The following SUPT3H variants were observed in gnomAD, a reference collection of about 807,000 sequenced individuals.
The protein encoded by SUPT3H is transcription initiation protein SPT3 homolog.
Under a neutral mutation model 44.3 loss-of-function variants are expected in SUPT3H, and 44 were observed. That is an observed-to-expected ratio of 0.99 (90% CI 0.78 to 1.28). The LOEUF (loss-of-function observed/expected upper bound fraction) is 1.28. SUPT3H is among the 50% of genes most tolerant of loss of function. The probability of loss-of-function intolerance (pLI) is 0.00; values close to 1 mark genes in which losing one functional copy is unlikely to be tolerated. For synonymous variants in SUPT3H, 124 were observed against 125.6 expected (o/e 0.99, Z 0.09); for missense variants, 380 against 387.1 (o/e 0.98, Z 0.15).
chr6:44,931,197 A>T (rs904913962), intron 10 of SUPT3H, among the ~76,000 whole-genome samples: 9 of 152,156 alleles, frequency 5.9e-5, no homozygotes, highest in African/African-American at 2.2e-4. Flanking sequence ...CATTACTTTT[A>T]GTTACCATTT....
At chr6:45,372,139 A>G in intron 1 of SUPT3H, 3 of 496,352 alleles carry the variant, frequency 6.0e-6, no homozygotes, top group Non-Finnish European at 7.8e-6. Flanking sequence ...GAAGCAGTAA[A>G]GAGCTAGGCT....
intron 2 of SUPT3H, among the ~76,000 whole-genome samples, chr6:45,287,856 A>T (rs1204264985): frequency 6.6e-6 from 1 of 152,198 alleles, no homozygotes; most frequent in Admixed American, 6.5e-5. Flanking sequence ...TAACAGACTT[A>T]TCCTAAAAAT....
chr6:45,328,299 CT>C (rs1211423142), intron 2 of SUPT3H: 1 of 1,367,194 alleles, frequency 7.3e-7, no homozygotes, highest in African/African-American at 1.5e-5. Flanking sequence ...AGTTTTAAAG[CT>C]TTTGCTTTTT....
At chr6:45,254,314 A>G (rs1001590445) in intron 2 of SUPT3H, among the ~76,000 whole-genome samples, 1 of 152,176 alleles carries the variant, frequency 6.6e-6, no homozygotes, top group Non-Finnish European at 1.5e-5. Flanking sequence ...ACACAATTTA[A>G]AAGCCATTTC....
intron 2 of SUPT3H, chr6:45,158,792 T>C (rs1469792501): frequency 2.6e-5 from 4 of 152,068 alleles, no homozygotes; most frequent in East Asian, 1.9e-4. Flanking sequence ...TTCTATAGCA[T>C]CTGTTACCAA....
chr6:45,372,734 G>A (rs1283563124), intron 1 of SUPT3H, among the ~76,000 whole-genome samples: 1 of 151,984 alleles, frequency 6.6e-6, no homozygotes, highest in Non-Finnish European at 1.5e-5. Flanking sequence ...TCTCAGCTCA[G>A]TGCAATCTCC....
At chr6:44,812,153 C>T (rs576579260) in intron 11 of SUPT3H, among the ~76,000 whole-genome samples, 1 of 152,308 alleles carries the variant, frequency 6.6e-6, no homozygotes, top group Admixed American at 6.5e-5. Context: ...AATTTATTAT[C>T]TTACAGTTCT....
intron 3 of SUPT3H, among the ~76,000 whole-genome samples, chr6:45,100,375 C>G (rs1798377243): frequency 6.6e-6 from 1 of 150,814 alleles, no homozygotes; most frequent in Non-Finnish European, 1.5e-5. Context: ...AATGAAAAAT[C>G]CAATTAAAAA....
chr6:45,323,605 T>C (rs1042993903), intron 2 of SUPT3H, among the ~76,000 whole-genome samples: 12 of 152,154 alleles, frequency 7.9e-5, no homozygotes, highest in African/African-American at 2.2e-4. Flanking sequence ...TGTAACGAAA[T>C]ATACATGACT....
intron 2 of SUPT3H, among the ~76,000 whole-genome samples, chr6:45,277,667 C>G (rs1777254392): frequency 6.6e-6 from 1 of 152,188 alleles, no homozygotes; most frequent in Admixed American, 6.5e-5. Flanking sequence ...TCCATATTCT[C>G]TGTGTCAGGA....
chr6:44,979,486 C>T lies in SUPT3H; in HGVS notation c.505-17658G>A, dbSNP rs150574153. ...ACCATGACAAAATACTCTTTCAATACAAAAAGTAAACTCAGTTTTTATCAA... is the reference window on the plus strand; with the variant it reads ...ACCATGACAAAATACTCTTTCAATATAAAAAGTAAACTCAGTTTTTATCAA... On this transcript the variant is annotated intron_variant, in intron 6 of 10. Transcript: ENST00000371459. 2.5e-3 allele frequency among the ~76,000 whole-genome samples: 377 copies of T among 151,970 alleles called. 3 individuals carry two copies. Among genetic ancestry groups the T allele is most frequent in the African/African-American group, 8.6e-3 (356 of 41,434 alleles).
intron 3 of SUPT3H, among the ~76,000 whole-genome samples, chr6:45,059,223 A>T (rs188711844): frequency 2.0e-5 from 3 of 152,300 alleles, no homozygotes; most frequent in Admixed American, 2.0e-4. Context: ...AAAGCACATC[A>T]AAAAGCTTAT....
At chr6:45,073,775 C>G (rs1033519815) in intron 3 of SUPT3H, among the ~76,000 whole-genome samples, 1 of 151,906 alleles carries the variant, frequency 6.6e-6, no homozygotes, top group African/African-American at 2.4e-5. Flanking sequence ...TCTTTACTAT[C>G]AGCTATGAAA....
intron 3 of SUPT3H, among the ~76,000 whole-genome samples, chr6:45,053,740 C>CAAAAAA (rs57736879): frequency 1.7e-5 from 1 of 59,440 alleles, no homozygotes; most frequent in East Asian, 5.5e-4. Context: ...ACTAAAAATA[C>CAAAAAA]AAAAAAAAAA....
chr6:44,891,974 A>C (rs1399338199), intron 10 of SUPT3H, among the ~76,000 whole-genome samples: 1 of 152,036 alleles, frequency 6.6e-6, no homozygotes, highest in Non-Finnish European at 1.5e-5. Flanking sequence ...AATTCCATCA[A>C]AATGTTCTAT....
intron 3 of SUPT3H, among the ~76,000 whole-genome samples, chr6:45,105,415 A>T (rs1046646986): frequency 2.0e-5 from 3 of 152,136 alleles, no homozygotes; most frequent in African/African-American, 7.2e-5. Flanking sequence ...AATTTTTTTT[A>T]AATTTTTTAA....
chr6:45,163,938 C>T (rs1401851217), intron 2 of SUPT3H, among the ~76,000 whole-genome samples: 1 of 152,072 alleles, frequency 6.6e-6, no homozygotes, highest in African/African-American at 2.4e-5. Flanking sequence ...TTTGCAATCC[C>T]GTATTTGTGA....
At chr6:45,328,874 T>G in intron 2 of SUPT3H, 1 of 1,335,090 alleles carries the variant, frequency 7.5e-7, no homozygotes, top group Admixed American at 1.7e-5. Context: ...CTTTTCCAAA[T>G]AGCATATTAA....
At chr6:45,331,104 GGTGTGT>G (rs143223149) in intron 2 of SUPT3H, among the ~76,000 whole-genome samples, 7 of 149,606 alleles carry the variant, frequency 4.7e-5, no homozygotes, top group Non-Finnish European at 1.0e-4. Context: ...TACAATGAGT[GGTGTGT>G]GTGTGTGTGT....
Sources: allele counts gnomAD v4.1 joint callset (sites outside exome capture counted in the v4.1 genomes callset), GRCh38; gene constraint gnomAD v4.1.1; transcripts MANE v1.5; gene names NCBI Gene and HGNC (gene_info 2026-07-23, HGNC 2026-07-21).